Variants in PHF20L1 observed in about 807,000 individuals in gnomAD.
The protein encoded by PHF20L1 is PHD finger protein 20 like 1.
Under a neutral mutation model 125.5 loss-of-function variants are expected in PHF20L1, and 44 were observed. The ratio of observed to expected loss-of-function variants is 0.35; its 90% CI spans 0.28 to 0.45. PHF20L1 has a LOEUF of 0.45. Ranked by LOEUF, PHF20L1 falls within the 20% of genes least tolerant of loss-of-function variation. The pLI, the probability that PHF20L1 is intolerant of heterozygous loss-of-function variation, is 1.00. For missense variants in PHF20L1, 1,012 were observed against 1,217.2 expected (o/e 0.83, Z 2.51); for synonymous variants, 380 against 403.1 (o/e 0.94, Z 0.69).
At chr8:132,837,316 C>A (rs901609044) in intron 16 of PHF20L1, among the ~76,000 whole-genome samples, 3 of 152,130 alleles carry the variant, frequency 2.0e-5, no homozygotes, top group African/African-American at 7.2e-5. Context: ...TTTATAACTT[C>A]ACCACAGAAG....
intron 2 of PHF20L1, among the ~76,000 whole-genome samples, chr8:132,791,480 C>T (rs1057188843): frequency 2.6e-5 from 4 of 151,840 alleles, no homozygotes; most frequent in Admixed American, 2.0e-4. Context: ...CTCAAACTCC[C>T]GACCTCAGGT....
intron 1 of PHF20L1, 60 bp downstream of exon 1, chr8:132,775,705 C>A: frequency 3.1e-6 from 1 of 318,106 alleles, no homozygotes; most frequent in Non-Finnish European, 5.7e-6. Context: ...CCGCCCGGGA[C>A]GCCCCCATTC....
Position 132,814,679 on chromosome 8 carries a change from G to A in PHF20L1, c.973G>A (p.Asp325Asn). ...TCAAAGTCAGAAAAAAAATGAAGCT[G>A]ACATTAGCAGTTCTGCCAACACTCA... ...KPQSQKKNEA[D>N]ISSSANTQKP... The change falls in exon 10 of 21, where the codon GAC becomes AAC. Residue 325 changes from aspartate to asparagine, a missense_variant. This residue lies in a region of PHF20L1 where 119 missense variants were observed against 160.2 expected (regional missense o/e 0.74). Coordinates refer to ENST00000395386, the MANE Select transcript of PHF20L1 (RefSeq NM_016018.5). The A allele has an allele frequency of 6.2e-7, 1 of 1,607,808 alleles. No homozygotes were observed. Among genetic ancestry groups the A allele is most frequent in the Non-Finnish European group, 8.5e-7 (1 of 1,176,520 alleles).
intron 14 of PHF20L1, chr8:132,826,700 G>A (rs1836222225): frequency 6.6e-6 from 1 of 152,056 alleles, no homozygotes; most frequent in Non-Finnish European, 1.5e-5. Context: ...ATTCAAGACA[G>A]TGGTTGCCTC....
At chr8:132,785,691 A>G (rs1830938323) in intron 2 of PHF20L1, among the ~76,000 whole-genome samples, 1 of 152,142 alleles carries the variant, frequency 6.6e-6, no homozygotes, top group African/African-American at 2.4e-5. Context: ...TGCAAGTATT[A>G]TGTTATTTCA....
intron 14 of PHF20L1, among the ~76,000 whole-genome samples, chr8:132,829,691 G>T (rs1055045297): frequency 3.3e-5 from 5 of 152,028 alleles, no homozygotes; most frequent in Non-Finnish European, 4.4e-5. Context: ...CCCTTTAAAT[G>T]TTGAAATACA....
At chr8:132,802,959 T>C (rs1833256259) in intron 6 of PHF20L1, among the ~76,000 whole-genome samples, 1 of 151,834 alleles carries the variant, frequency 6.6e-6, no homozygotes, top group African/African-American at 2.4e-5. Context: ...TAGAGATATT[T>C]ATATTTGTTT....
At chr8:132,804,496 C>T (rs1833455860) in intron 7 of PHF20L1, 119 bp from the exon 8 acceptor site, 2 of 660,952 alleles carry the variant, frequency 3.0e-6, no homozygotes, top group South Asian at 4.2e-5. Flanking sequence ...AGGTCTGTAT[C>T]AAGTAGTAGA....
At chr8:132,835,769 G>A (rs1837288924) in intron 15 of PHF20L1, among the ~76,000 whole-genome samples, 2 of 152,066 alleles carry the variant, frequency 1.3e-5, no homozygotes, top group African/African-American at 4.8e-5. Flanking sequence ...GGCATTCCTG[G>A]TATTCAGTTG....
At chr8:132,775,853 G>T (rs1829655026) in intron 1 of PHF20L1, among the ~76,000 whole-genome samples, 1 of 152,104 alleles carries the variant, frequency 6.6e-6, no homozygotes, top group African/African-American at 2.4e-5. Context: ...GTCAAACCTG[G>T]AGGCTTCTCC....
At chr8:132,798,582 G>T (rs1586905625) in intron 4 of PHF20L1, among the ~76,000 whole-genome samples, 190 bp from the exon 5 acceptor site, 2 of 151,968 alleles carry the variant, frequency 1.3e-5, no homozygotes, top group South Asian at 4.1e-4. Flanking sequence ...TACTTGTTAG[G>T]GGAAACAGGA....
At chr8:132,822,203 C>T (rs962614911) in intron 12 of PHF20L1, among the ~76,000 whole-genome samples, 18 of 151,910 alleles carry the variant, frequency 1.2e-4, no homozygotes, top group South Asian at 4.1e-4. Flanking sequence ...CTCGAACTGA[C>T]TCTCTGGACC....
At chr8:132,813,841 C>G (rs1296021048) in intron 9 of PHF20L1, among the ~76,000 whole-genome samples, 1 of 151,804 alleles carries the variant, frequency 6.6e-6, no homozygotes, top group Non-Finnish European at 1.5e-5. Flanking sequence ...TAAAAATGAT[C>G]TTTTATGAAA....
intron 14 of PHF20L1, among the ~76,000 whole-genome samples, chr8:132,830,487 A>G (rs1587039088): frequency 6.6e-6 from 1 of 152,044 alleles, no homozygotes; most frequent in Non-Finnish European, 1.5e-5. Context: ...GCACAGACCA[A>G]TGCGTCTCTT....
At chr8:132,837,164 G>C (rs1181993854) in intron 16 of PHF20L1, among the ~76,000 whole-genome samples, 1 of 152,034 alleles carries the variant, frequency 6.6e-6, no homozygotes, top group African/African-American at 2.4e-5. Flanking sequence ...TCTTCTTGTA[G>C]GAAAGATATC....
Position 132,799,488 on chromosome 8 carries a change from A to G in PHF20L1, c.507+316A>G, listed in dbSNP as rs181309475. The G allele has an allele frequency of 3.7e-3, 699 of 191,454 alleles. 2 individuals carry two copies. Among genetic ancestry groups the G allele is most frequent in the Non-Finnish European group, 5.4e-3 (512 of 94,756 alleles). The allele number at this position is 191,454 out of a possible 1,614,324, so 11.9% of individuals were successfully genotyped here. A position where few individuals can be genotyped will look rare whatever the true frequency, so the allele number is the denominator to read the frequency against. On this transcript the variant is annotated intron_variant, in intron 6 of 20. Coordinates refer to ENST00000395386, the MANE Select transcript of PHF20L1 (RefSeq NM_016018.5). ...AAAACCACAATTCCATTTGTTGGCT[A>G]TGTTTTCTGAAATACTGGAAAGAAA...
At chr8:132,822,245 G>T (rs1218324645) in intron 12 of PHF20L1, among the ~76,000 whole-genome samples, 1 of 151,918 alleles carries the variant, frequency 6.6e-6, no homozygotes, top group East Asian at 1.9e-4. Context: ...CTCTTCTGCT[G>T]TGTTAACTTC....
chr8:132,820,495 A>G (rs1332404414), intron 12 of PHF20L1, among the ~76,000 whole-genome samples: 3 of 151,924 alleles, frequency 2.0e-5, no homozygotes, highest in African/African-American at 2.4e-5. Context: ...ACAAATATTT[A>G]AAGCAAGATT....
At chr8:132,777,056 C>T in intron 1 of PHF20L1, among the ~76,000 whole-genome samples, 1 of 152,162 alleles carries the variant, frequency 6.6e-6, no homozygotes, top group East Asian at 1.9e-4. Flanking sequence ...CTTTTATTAT[C>T]AATGTGGACA....
Sources: allele counts gnomAD v4.1 joint callset (sites outside exome capture counted in the v4.1 genomes callset), GRCh38; gene constraint gnomAD v4.1.1; regional missense constraint gnomAD v4.1.1; transcripts MANE v1.5; gene names NCBI Gene and HGNC (gene_info 2026-07-23, HGNC 2026-07-21).